VAT1L: variants seen among roughly 807,000 people sequenced by gnomAD.
VAT1L encodes the protein putative NADPH-dependent quinone oxidoreductase VAT1L.
VAT1L carries 34 observed loss-of-function variants against 44.1 expected under a neutral mutation model. The ratio of observed to expected loss-of-function variants is 0.77; its 90% CI spans 0.59 to 1.03. The LOEUF (loss-of-function observed/expected upper bound fraction) is 1.03. Among genes scored for constraint, VAT1L ranks in the 50% least tolerant of loss-of-function variants. VAT1L has a pLI of 0.00. For synonymous variants in VAT1L, 253 were observed against 202.2 expected (o/e 1.25, Z -2.13); for missense variants, 615 against 538.8 (o/e 1.14, Z -1.40).
intron 3 of VAT1L, among the ~76,000 whole-genome samples, chr16:77,844,563 C>A (rs1261003466): frequency 6.6e-6 from 1 of 152,116 alleles, no homozygotes; most frequent in Non-Finnish European, 1.5e-5. Context: ...TGCCCACCAC[C>A]ACGCCTGGCT....
At chr16:77,920,189 C>G (rs2017596691) in intron 7 of VAT1L, among the ~76,000 whole-genome samples, 1 of 152,216 alleles carries the variant, frequency 6.6e-6, no homozygotes, top group Non-Finnish European at 1.5e-5. Context: ...AGCATTCACC[C>G]ATTCAAACAG....
At chr16:77,835,753 A>T (rs1307794081) in intron 3 of VAT1L, among the ~76,000 whole-genome samples, 1 of 152,108 alleles carries the variant, frequency 6.6e-6, no homozygotes, top group African/African-American at 2.4e-5. Context: ...GATGCCTGTA[A>T]TCCCAGCTAC....
At chr16:77,861,205 C>T (rs1398237327) in intron 3 of VAT1L, among the ~76,000 whole-genome samples, 1 of 152,134 alleles carries the variant, frequency 6.6e-6, no homozygotes, top group Non-Finnish European at 1.5e-5. Context: ...AGATGATAGG[C>T]AGAAATTAAC....
chr16:77,857,862 T>C lies in VAT1L; in HGVS notation c.580-4886T>C, dbSNP rs577976404. 1.2e-3 allele frequency among the ~76,000 whole-genome samples: 180 copies of C among 150,896 alleles called. 1 individual carries two copies. The highest frequency in any genetic ancestry group is 6.3e-3 in the South Asian group (30 of 4,776). ...TTTTTTTTTTTTTTAACCATGTGCATGTTTTTCTTTAAAATAGAAATAGTG... is the reference window on the plus strand; with the variant it reads ...TTTTTTTTTTTTTTAACCATGTGCACGTTTTTCTTTAAAATAGAAATAGTG... On this transcript the variant is annotated intron_variant, in intron 3 of 8. Coordinates refer to ENST00000302536, the MANE Select transcript of VAT1L (RefSeq NM_020927.3).
chr16:77,896,029 T>G (rs2017320779), intron 7 of VAT1L, among the ~76,000 whole-genome samples: 1 of 152,152 alleles, frequency 6.6e-6, no homozygotes, highest in African/African-American at 2.4e-5. Context: ...GAAGAAAGGT[T>G]CATCAGGCTG....
chr16:77,871,805 G>A (rs1034714082), intron 4 of VAT1L, among the ~76,000 whole-genome samples: 19 of 152,116 alleles, frequency 1.2e-4, no homozygotes, highest in Non-Finnish European at 2.6e-4. Flanking sequence ...CAAGAGTGTG[G>A]CACACTCTCT....
chr16:77,933,171 C>T (rs572456035), intron 7 of VAT1L, among the ~76,000 whole-genome samples: 29 of 152,280 alleles, frequency 1.9e-4, no homozygotes, highest in South Asian at 4.2e-4. Flanking sequence ...ACTATCACTC[C>T]TTGAAGTTTC....
At chr16:77,850,393 A>C (rs1288066631) in intron 3 of VAT1L, among the ~76,000 whole-genome samples, 1 of 152,186 alleles carries the variant, frequency 6.6e-6, no homozygotes, top group Non-Finnish European at 1.5e-5. Flanking sequence ...TTAGCAGTAG[A>C]TCCAAGGATC....
rs116400554 is a variant in VAT1L, at chr16:77,915,891, A to C, written c.1077+31089A>C. The stretch of plus-strand genomic sequence containing the variant: ...GAGGAAGGGAAGACAACTCCTGCGA[A>C]GTGCATTGTCAAGCCAGCTACTCCT... On this transcript the variant is annotated intron_variant, in intron 7 of 8. Coordinates refer to ENST00000302536, the MANE Select transcript of VAT1L (RefSeq NM_020927.3). Among the ~76,000 whole-genome samples the C allele has an allele frequency of 8.7e-3, 1,326 of 152,310 alleles. 21 individuals carry two copies. Among genetic ancestry groups the C allele is most frequent in the African/African-American group, 0.03 (1,243 of 41,554 alleles).
At chr16:77,925,537 A>G (rs1698696049) in intron 7 of VAT1L, among the ~76,000 whole-genome samples, 1 of 152,210 alleles carries the variant, frequency 6.6e-6, no homozygotes. Context: ...GAGTCAATAT[A>G]AGAACAAAAG....
chr16:77,831,957 A>G (rs954731517), intron 3 of VAT1L, among the ~76,000 whole-genome samples: 9 of 148,176 alleles, frequency 6.1e-5, no homozygotes, highest in Non-Finnish European at 1.3e-4. Flanking sequence ...CTGGGACTAC[A>G]GGCGCCCACC....
chr16:77,926,702 C>A (rs935069553), intron 7 of VAT1L, among the ~76,000 whole-genome samples: 1 of 152,166 alleles, frequency 6.6e-6, no homozygotes, highest in Admixed American at 6.5e-5. Context: ...CTTCACAGTC[C>A]TCACCAACCT....
At chr16:77,921,745 C>T (rs1179179034) in intron 7 of VAT1L, among the ~76,000 whole-genome samples, 3 of 152,104 alleles carry the variant, frequency 2.0e-5, no homozygotes, top group African/African-American at 4.8e-5. Flanking sequence ...GAAACTTGTA[C>T]ACTTTTTTTT....
chr16:77,895,624 G>T (rs1003123586), intron 7 of VAT1L, among the ~76,000 whole-genome samples: 1 of 152,200 alleles, frequency 6.6e-6, no homozygotes, highest in African/African-American at 2.4e-5. Flanking sequence ...ACACCTTGAT[G>T]TTAGCCCTAA....
intron 1 of VAT1L, among the ~76,000 whole-genome samples, chr16:77,793,846 T>C (rs1382700452): frequency 1.3e-5 from 2 of 152,150 alleles, no homozygotes; most frequent in Non-Finnish European, 2.9e-5. Flanking sequence ...GAGGGTATAG[T>C]AAATTGGAGA....
intron 1 of VAT1L, among the ~76,000 whole-genome samples, chr16:77,815,317 A>G (rs1286424290): frequency 6.6e-6 from 1 of 152,228 alleles, no homozygotes; most frequent in African/African-American, 2.4e-5. Context: ...TTGAATATCC[A>G]TGACTATTCC....
At chr16:77,956,728 G>T (rs1233023541) in intron 7 of VAT1L, among the ~76,000 whole-genome samples, 1 of 152,136 alleles carries the variant, frequency 6.6e-6, no homozygotes, top group Admixed American at 6.6e-5. Context: ...AGACAAAGTG[G>T]GGGAGAACCG....
At chr16:77,955,633 G>T (rs2018094266) in intron 7 of VAT1L, among the ~76,000 whole-genome samples, 1 of 151,702 alleles carries the variant, frequency 6.6e-6, no homozygotes, top group African/African-American at 2.4e-5. Context: ...GCTGAAGTGG[G>T]AGAATCTCTT....
At chr16:77,935,402 A>G (rs190291340) in intron 7 of VAT1L, among the ~76,000 whole-genome samples, 1 of 151,928 alleles carries the variant, frequency 6.6e-6, no homozygotes, top group Admixed American at 6.6e-5. Context: ...CGAGGTGAGC[A>G]TCTTCTTTGG....
Sources: allele counts gnomAD v4.1 joint callset (sites outside exome capture counted in the v4.1 genomes callset), GRCh38; gene constraint gnomAD v4.1.1; transcripts MANE v1.5; gene names NCBI Gene and HGNC (gene_info 2026-07-23, HGNC 2026-07-21).